Variants in THSD7A observed in about 807,000 individuals in gnomAD.
THSD7A encodes thrombospondin type 1 domain containing 7A, also known as thrombospondin type-1 domain-containing protein 7A.
THSD7A carries 96 observed loss-of-function variants against 231.3 expected under a neutral mutation model. The observed-to-expected ratio is 0.41, with a 90% CI of 0.35 to 0.49. The LOEUF is 0.49. Ranked by LOEUF, THSD7A falls within the 20% of genes least tolerant of loss-of-function variation. The pLI is 0.05. For missense variants in THSD7A, 2,290 were observed against 2,070.2 expected (o/e 1.11, Z -2.06); for synonymous variants, 940 against 743.3 (o/e 1.26, Z -4.30).
chr7:11,445,354 T>C (rs1396130722), intron 13 of THSD7A, among the ~76,000 whole-genome samples: 1 of 152,112 alleles, frequency 6.6e-6, no homozygotes, highest in African/African-American at 2.4e-5. Flanking sequence ...ATACTGCCTA[T>C]ATTAAGATTG....
At chr7:11,638,006 G>C (rs1283180297) in intron 1 of THSD7A, among the ~76,000 whole-genome samples, 1 of 152,140 alleles carries the variant, frequency 6.6e-6, no homozygotes, top group East Asian at 1.9e-4. Context: ...GTGCCTTAAA[G>C]CCATTTTCCA....
At chr7:11,781,441 G>A (rs1783629360) in intron 1 of THSD7A, among the ~76,000 whole-genome samples, 1 of 152,152 alleles carries the variant, frequency 6.6e-6, no homozygotes, top group South Asian at 2.1e-4. Flanking sequence ...ACAAGACCCT[G>A]TCTCAAAAAC....
chr7:11,629,851 G>T (rs1317691267), intron 2 of THSD7A, among the ~76,000 whole-genome samples: 1 of 152,144 alleles, frequency 6.6e-6, no homozygotes, highest in Non-Finnish European at 1.5e-5. Context: ...TTTGTTTGGG[G>T]TTCATTAGAA....
At chr7:11,787,003 C>G (rs796581172) in intron 1 of THSD7A, among the ~76,000 whole-genome samples, 1 of 151,936 alleles carries the variant, frequency 6.6e-6, no homozygotes, top group East Asian at 1.9e-4. Flanking sequence ...AAATTAGTTA[C>G]CAACATTTAA....
chr7:11,812,105 TTGTGTGTGTG>T (rs34130500), intron 1 of THSD7A, among the ~76,000 whole-genome samples: 29 of 133,624 alleles, frequency 2.2e-4, no homozygotes, highest in Non-Finnish European at 3.9e-4. Flanking sequence ...GAAAAGAAAA[TTGTGTGTGTG>T]TGTGTGTGTG....
intron 23 of THSD7A, among the ~76,000 whole-genome samples, chr7:11,386,554 T>C (rs546248976): frequency 5.3e-5 from 8 of 152,248 alleles, no homozygotes; most frequent in Admixed American, 5.2e-4. Context: ...CACTTTTTGA[T>C]GGCATTGTTT....
intron 1 of THSD7A, among the ~76,000 whole-genome samples, chr7:11,693,506 T>C (rs1032901931): frequency 2.6e-5 from 4 of 151,562 alleles, no homozygotes; most frequent in Middle Eastern, 3.2e-3. Context: ...GAGATTAACA[T>C]CTAGTCTTTG....
At chr7:11,567,818 C>T (rs572199783) in intron 4 of THSD7A, among the ~76,000 whole-genome samples, 92 of 152,308 alleles carry the variant, frequency 6.0e-4, no homozygotes, top group African/African-American at 2.0e-3. Flanking sequence ...GCTCACTCCA[C>T]GTCTCCCAGT....
At chr7:11,603,018 T>C (rs1032433923) in intron 2 of THSD7A, among the ~76,000 whole-genome samples, 1 of 150,462 alleles carries the variant, frequency 6.6e-6, no homozygotes, top group Non-Finnish European at 1.5e-5. Flanking sequence ...AAAGACAAAA[T>C]TGACAAATGG....
intron 1 of THSD7A, among the ~76,000 whole-genome samples, chr7:11,767,658 A>G (rs1310182987): frequency 6.6e-6 from 1 of 152,178 alleles, no homozygotes; most frequent in African/African-American, 2.4e-5. Flanking sequence ...ACAGGAATAG[A>G]TCTTTGGGTT....
At position 11,745,587 on chromosome 7, in the gene THSD7A, T is replaced by G. The variant is rs1430216443; in HGVS notation, c.190+86170A>C. Among the ~76,000 whole-genome samples, 3 of 152,212 alleles carry G rather than the reference T, an allele frequency of 2.0e-5. No individual in the cohort carries two copies. In the East Asian group the frequency reaches 5.8e-4, roughly 29 times the overall value. ...GTTTTTATGGTTTTAGGTCTAAAAT[T>G]TAAGTCTTTAATCCATCTTGAATTA... On this transcript the variant is annotated intron_variant, in intron 1 of 27. Coordinates refer to ENST00000423059, the MANE Select transcript of THSD7A (RefSeq NM_015204.3).
chr7:11,580,819 T>G (rs1316699974), intron 4 of THSD7A, among the ~76,000 whole-genome samples: 1 of 152,076 alleles, frequency 6.6e-6, no homozygotes, highest in African/African-American at 2.4e-5. Context: ...TGAAACAATC[T>G]GTACAACAAA....
At chr7:11,620,198 G>T (rs899086459) in intron 2 of THSD7A, among the ~76,000 whole-genome samples, 1 of 151,922 alleles carries the variant, frequency 6.6e-6, no homozygotes, top group African/African-American at 2.4e-5. Context: ...TTCTTTCATT[G>T]AAGTAAATTT....
chr7:11,447,171 C>A (rs1784996436), intron 12 of THSD7A, 59 bp downstream of exon 12: 2 of 1,510,120 alleles, frequency 1.3e-6, no homozygotes, highest in Admixed American at 3.5e-5. Context: ...CTCAGTCTGA[C>A]TTGTATTATG....
At chr7:11,534,525 C>T (rs1788835767) in intron 6 of THSD7A, among the ~76,000 whole-genome samples, 1 of 152,164 alleles carries the variant, frequency 6.6e-6, no homozygotes, top group South Asian at 2.1e-4. Context: ...ACACTTGGAC[C>T]TTTCAGCCAT....
At chr7:11,739,991 A>G (rs1782052509) in intron 1 of THSD7A, among the ~76,000 whole-genome samples, 1 of 151,944 alleles carries the variant, frequency 6.6e-6, no homozygotes, top group Non-Finnish European at 1.5e-5. Context: ...ATTTTAAGAG[A>G]CCACAAGAAC....
intron 1 of THSD7A, among the ~76,000 whole-genome samples, chr7:11,737,236 T>A (rs1351667483): frequency 3.3e-5 from 5 of 152,002 alleles, no homozygotes; most frequent in African/African-American, 1.2e-4. Context: ...ACAAGAGGAC[T>A]GGGAAGGTCA....
Position 11,490,198 on chromosome 7 carries a change from A to T in THSD7A, c.1823-8216T>A, listed in dbSNP as rs191172121. ...TCCAGCCCAGGCTTTGTTGTAATCAATAATATCACATTTGACTTCATTCCG... is the reference window on the plus strand; with the variant it reads ...TCCAGCCCAGGCTTTGTTGTAATCATTAATATCACATTTGACTTCATTCCG... On this transcript the variant is annotated intron_variant, in intron 6 of 27. Coordinates refer to ENST00000423059, the MANE Select transcript of THSD7A (RefSeq NM_015204.3). Among the ~76,000 whole-genome samples, 1,144 of 152,196 alleles carry T rather than the reference A, an allele frequency of 7.5e-3. 10 individuals are homozygous for T. Among genetic ancestry groups the T allele is most frequent in the African/African-American group, 0.026 (1,099 of 41,546 alleles).
chr7:11,540,333 G>A lies in THSD7A; in HGVS notation c.1822+1086C>T, dbSNP rs184598521. Among the ~76,000 whole-genome samples, 24 of 152,330 alleles carry A rather than the reference G, an allele frequency of 1.6e-4. No individual in the cohort carries two copies. In the East Asian group the frequency reaches 4.6e-3, roughly 29 times the overall value. ...AAAGGCTAATTTCTCAGTAATAGCA[G>A]TGTCTGTCAGTCTCCCACACCAGAG... On this transcript the variant is annotated intron_variant, in intron 6 of 27. Coordinates refer to ENST00000423059, the MANE Select transcript of THSD7A (RefSeq NM_015204.3).
Sources: gnomAD v4.1 joint callset for allele counts (sites outside exome capture counted in the v4.1 genomes callset) on GRCh38, gnomAD v4.1.1 for gene constraint, MANE v1.5 for transcripts, NCBI Gene and HGNC (gene_info 2026-07-23, HGNC 2026-07-21) for gene names.